The following GALNT17 variants were observed in gnomAD, a reference collection of about 807,000 sequenced individuals.
The protein encoded by GALNT17 is UDP-GalNAc:polypeptide N-acetylgalactosaminyltransferase-like 3.
Under a neutral mutation model 63.7 loss-of-function variants are expected in GALNT17, and 29 were observed. The ratio of observed to expected loss-of-function variants is 0.46; its 90% CI spans 0.34 to 0.62. The LOEUF (loss-of-function observed/expected upper bound fraction) is 0.62. GALNT17 is among the 20% of genes least tolerant of loss of function. GALNT17 has a pLI of 0.01. For missense variants in GALNT17, 603 were observed against 799.6 expected (o/e 0.75, Z 2.97); for synonymous variants, 305 against 318.3 (o/e 0.96, Z 0.45).
At chr7:71,441,536 G>A (rs1787067080) in intron 5 of GALNT17, among the ~76,000 whole-genome samples, 1 of 152,036 alleles carries the variant, frequency 6.6e-6, no homozygotes, top group Non-Finnish European at 1.5e-5. Context: ...GTTAACACAG[G>A]TATACATGTG....
chr7:71,328,182 C>T (rs772045957), intron 1 of GALNT17, among the ~76,000 whole-genome samples: 1 of 152,178 alleles, frequency 6.6e-6, no homozygotes, highest in African/African-American at 2.4e-5. Context: ...CTAATAGTGC[C>T]ACTTGGCTTT....
chr7:71,172,725 G>C (rs1033587128), intron 1 of GALNT17, among the ~76,000 whole-genome samples: 1 of 152,138 alleles, frequency 6.6e-6, no homozygotes, highest in African/African-American at 2.4e-5. Flanking sequence ...TTACTGGATA[G>C]ATATAAGTCC....
At chr7:71,485,053 C>T (rs1158989331) in intron 5 of GALNT17, among the ~76,000 whole-genome samples, 12 of 149,750 alleles carry the variant, frequency 8.0e-5, no homozygotes, top group African/African-American at 3.0e-4. Context: ...AGGTGATCCA[C>T]CCACTTCAGC....
At chr7:71,409,265 G>A (rs1793388517) in intron 3 of GALNT17, among the ~76,000 whole-genome samples, 1 of 152,056 alleles carries the variant, frequency 6.6e-6, no homozygotes, top group South Asian at 2.1e-4. Flanking sequence ...CACACTCAGG[G>A]TCTAATTCAT....
intron 3 of GALNT17, among the ~76,000 whole-genome samples, chr7:71,389,509 C>T (rs777794650): frequency 1.3e-5 from 2 of 152,128 alleles, no homozygotes; most frequent in Non-Finnish European, 2.9e-5. Flanking sequence ...ACCATCTCCC[C>T]TGACCCCCAT....
At chr7:71,236,209 A>T (rs1235822277) in intron 1 of GALNT17, among the ~76,000 whole-genome samples, 1 of 152,006 alleles carries the variant, frequency 6.6e-6, no homozygotes, top group Non-Finnish European at 1.5e-5. Flanking sequence ...AAAAAAATAA[A>T]AATCTACTCT....
rs538460351 is a variant in GALNT17, at chr7:71,411,274, C to G, written c.590-4615C>G. 2.4e-4 allele frequency among the ~76,000 whole-genome samples: 36 copies of G among 152,212 alleles called. 3 individuals carry two copies. In the East Asian group the frequency reaches 2.9e-3, roughly 12 times the overall value. Reference sequence around the variant, plus strand: ...TAGCTGGGGTTACAGGCATGTGCCACCACGCCTGGCTAATTTTTGTATTTT... The same window carrying G: ...TAGCTGGGGTTACAGGCATGTGCCAGCACGCCTGGCTAATTTTTGTATTTT... On this transcript the variant is annotated intron_variant, in intron 3 of 10. Coordinates refer to ENST00000333538, the MANE Select transcript of GALNT17 (RefSeq NM_022479.3).
At chr7:71,484,586 T>C (rs1306000096) in intron 5 of GALNT17, among the ~76,000 whole-genome samples, 1 of 152,308 alleles carries the variant, frequency 6.6e-6, no homozygotes, top group East Asian at 1.9e-4. Context: ...ATGTGAGTAA[T>C]GCATTGTGCT....
intron 8 of GALNT17, among the ~76,000 whole-genome samples, chr7:71,676,012 G>C (rs1791145120): frequency 6.6e-6 from 1 of 151,896 alleles, no homozygotes; most frequent in Admixed American, 6.6e-5. Context: ...AAAAGAAAAA[G>C]AACAAAATGC....
intron 9 of GALNT17, among the ~76,000 whole-genome samples, chr7:71,699,484 A>G (rs1049189579): frequency 1.3e-5 from 2 of 151,784 alleles, no homozygotes; most frequent in South Asian, 2.1e-4. Context: ...TCAAAAAAAA[A>G]AAAAACCCAA....
At chr7:71,390,485 C>T (rs556337126) in intron 3 of GALNT17, among the ~76,000 whole-genome samples, 1 of 152,262 alleles carries the variant, frequency 6.6e-6, no homozygotes, top group Non-Finnish European at 1.5e-5. Flanking sequence ...CATTAGTTAT[C>T]TATAGATTCT....
chr7:71,444,012 G>A (rs773785050), intron 5 of GALNT17, among the ~76,000 whole-genome samples: 47 of 152,132 alleles, frequency 3.1e-4, no homozygotes, highest in Non-Finnish European at 5.0e-4. Context: ...CAGGTGTGAG[G>A]CACCCCGCTC....
intron 2 of GALNT17, among the ~76,000 whole-genome samples, chr7:71,341,733 T>G (rs1792008305): frequency 6.6e-6 from 1 of 152,146 alleles, no homozygotes; most frequent in East Asian, 1.9e-4. Flanking sequence ...ATCGCAAAAA[T>G]GTAGGCTCTT....
chr7:71,587,607 T>G (rs553036286), intron 6 of GALNT17, among the ~76,000 whole-genome samples: 2 of 152,168 alleles, frequency 1.3e-5, no homozygotes, highest in Non-Finnish European at 2.9e-5. Context: ...AGAAAGTTTA[T>G]ATGGTTCTAT....
At chr7:71,175,275 T>C (rs10266753) in intron 1 of GALNT17, among the ~76,000 whole-genome samples, 40,190 of 152,162 alleles carry the variant, frequency 0.26, 9,830 homozygotes, top group African/African-American at 0.66. Context: ...TCTATCTGTC[T>C]ATCCATTCAT....
chr7:71,215,306 T>G (rs1409040490), intron 1 of GALNT17, among the ~76,000 whole-genome samples: 2 of 152,166 alleles, frequency 1.3e-5, no homozygotes, highest in African/African-American at 2.4e-5. Flanking sequence ...TGTTGTTGTT[T>G]GTTTTCTGTT....
intron 2 of GALNT17, among the ~76,000 whole-genome samples, chr7:71,351,981 G>C (rs112110559): frequency 6.6e-6 from 1 of 152,142 alleles, no homozygotes; most frequent in Non-Finnish European, 1.5e-5. Context: ...GGAGATGATA[G>C]TGATTCCGAC....
intron 1 of GALNT17, among the ~76,000 whole-genome samples, chr7:71,158,962 C>T (rs964917986): frequency 5.9e-5 from 9 of 151,826 alleles, no homozygotes; most frequent in African/African-American, 2.2e-4. Flanking sequence ...GCTGGTAGTA[C>T]AATTTTTATA....
At chr7:71,349,772 T>G (rs2116173214) in intron 2 of GALNT17, among the ~76,000 whole-genome samples, 1 of 152,328 alleles carries the variant, frequency 6.6e-6, no homozygotes, top group South Asian at 2.1e-4. Flanking sequence ...TGCTGGACAC[T>G]TGACCCTTGA....
Sources: allele counts gnomAD v4.1 joint callset (sites outside exome capture counted in the v4.1 genomes callset), GRCh38; gene constraint gnomAD v4.1.1; transcripts MANE v1.5; gene names NCBI Gene and HGNC (gene_info 2026-07-23, HGNC 2026-07-21).